VWA3B: variants seen among roughly 807,000 people sequenced by gnomAD.
VWA3B encodes von Willebrand factor A domain-containing protein 3B.
A neutral mutation model predicts 158.3 loss-of-function variants in VWA3B; 138 were observed. That is an observed-to-expected ratio of 0.87 (90% CI 0.76 to 1.00). The LOEUF (loss-of-function observed/expected upper bound fraction) is 1.00. VWA3B is among the 50% of genes least tolerant of loss of function. VWA3B has a pLI of 0.00. For missense variants in VWA3B, 1,555 were observed against 1,565.1 expected (o/e 0.99, Z 0.11); for synonymous variants, 596 against 587.3 (o/e 1.01, Z -0.21).
intron 12 of VWA3B, among the ~76,000 whole-genome samples, chr2:98,202,902 G>A (rs1488977895): frequency 2.6e-5 from 4 of 151,916 alleles, no homozygotes; most frequent in Middle Eastern, 3.2e-3. Flanking sequence ...GCATGATCTC[G>A]GCTCACTGCA....
chr2:98,311,925 A>C lies in VWA3B; in HGVS notation c.3628A>C (p.Arg1210=). 1 of 1,607,656 alleles carries C rather than the reference A, an allele frequency of 6.2e-7. No homozygotes were observed. Among genetic ancestry groups the C allele is most frequent in the Non-Finnish European group, 8.5e-7 (1 of 1,177,106 alleles). ...ACGAGAGAAGCCCAGGAGGAAAAAG[A>C]GGCCCGCCAAGCAGCCACTCCAGCA... is the stretch of plus-strand genomic sequence containing the variant. ...PRREKPRRKK[R]PAKQPLQQAA... Residue 1210 remains arginine, a synonymous_variant, in exon 27 of 28, where the codon AGG becomes CGG. Transcript: ENST00000477737.
intron 13 of VWA3B, chr2:98,216,965 T>C (rs984906365): frequency 2.0e-5 from 26 of 1,273,226 alleles, no homozygotes; most frequent in South Asian, 5.0e-5. Flanking sequence ...GAGACTGTCA[T>C]GTGTATCATT....
intron 7 of VWA3B, among the ~76,000 whole-genome samples, chr2:98,140,185 G>T (rs1297772920): frequency 6.6e-6 from 1 of 152,170 alleles, no homozygotes; most frequent in Admixed American, 6.5e-5. Flanking sequence ...AACACGCACC[G>T]CGAAGGTCCG....
At chr2:98,188,633 G>A (rs904998308) in intron 10 of VWA3B, among the ~76,000 whole-genome samples, 1 of 152,162 alleles carries the variant, frequency 6.6e-6, no homozygotes, top group African/African-American at 2.4e-5. Flanking sequence ...TTAACATAAT[G>A]TCCTGTAGGC....
At chr2:98,322,035 T>G in the VWA3B span, among the ~76,000 whole-genome samples, 1 of 152,234 alleles carries the variant, frequency 6.6e-6, no homozygotes, top group Non-Finnish European at 1.5e-5. Flanking sequence ...GCACATGCTC[T>G]CTTGCCTGCT....
rs1352783764 is a variant in VWA3B, at chr2:98,125,930, C to G, written c.703-2309C>G. ...CTGCTCGCCTCAGCCTCCCAAAGTG[C>G]TGGGATTACAGGTATGAGCCACCGC... On this transcript the variant is annotated intron_variant, in intron 5 of 27. Transcript: ENST00000477737. The surrounding 1 kb of genome is among the most constrained non-coding windows in gnomAD (Gnocchi z 4.1). 6.6e-6 allele frequency among the ~76,000 whole-genome samples: 1 copy of G among 152,156 alleles called. No individual in the cohort carries two copies. The highest frequency in any genetic ancestry group is 6.5e-5 in the Admixed American group (1 of 15,268).
At position 98,300,194 on chromosome 2, in the gene VWA3B, T is replaced by A; in HGVS notation, c.3398T>A (p.Val1133Asp). Reference sequence around the variant, plus strand: ...GTGGCCACAGAAAAATTCTACACAGTTTTGAAGTGTAACAACCGGAGAGTA... The same window carrying A: ...GTGGCCACAGAAAAATTCTACACAGATTTGAAGTGTAACAACCGGAGAGTA... ...KHVATEKFYTVLKCNNRREFC... is the reference protein window; with the variant it reads ...KHVATEKFYTDLKCNNRREFC... Residue 1133 changes from valine to aspartate, a missense_variant, in exon 25 of 28, where the codon GTT becomes GAT. By Grantham distance (152) the Val-to-Asp change is radical. Coordinates refer to ENST00000477737, the MANE Select transcript of VWA3B (RefSeq NM_144992.5). 1 of 1,614,186 alleles carries A rather than the reference T, an allele frequency of 6.2e-7. No homozygotes were observed. Among genetic ancestry groups the A allele is most frequent in the Non-Finnish European group, 8.5e-7 (1 of 1,180,048 alleles).
intron 8 of VWA3B, among the ~76,000 whole-genome samples, chr2:98,177,423 A>G (rs576190488): frequency 6.6e-6 from 1 of 152,304 alleles, no homozygotes; most frequent in East Asian, 1.9e-4. Flanking sequence ...ATTTTTAATT[A>G]AGATAACTGC....
At chr2:98,214,761 C>T (rs1683831822) in intron 13 of VWA3B, among the ~76,000 whole-genome samples, 3 of 152,238 alleles carry the variant, frequency 2.0e-5, no homozygotes, top group South Asian at 2.1e-4. Context: ...TTAGCTAGTC[C>T]CCTGCAGATA....
intron 9 of VWA3B, among the ~76,000 whole-genome samples, chr2:98,186,189 C>T (rs1681028408): frequency 7.2e-6 from 1 of 138,474 alleles, no homozygotes; most frequent in Non-Finnish European, 1.5e-5. Context: ...AGAATATACA[C>T]TGCTGGTTAT....
intron 9 of VWA3B, among the ~76,000 whole-genome samples, chr2:98,183,618 G>T (rs550079447): frequency 2.1e-4 from 32 of 152,186 alleles, no homozygotes; most frequent in African/African-American, 7.5e-4. Flanking sequence ...ACAAAACCAG[G>T]CCTGATGTTC....
chr2:98,323,207 A>G, the VWA3B span, among the ~76,000 whole-genome samples: 1 of 152,230 alleles, frequency 6.6e-6, no homozygotes, highest in African/African-American at 2.4e-5. Flanking sequence ...AAAGAGTATC[A>G]ATGAAGAAAT....
intron 21 of VWA3B, among the ~76,000 whole-genome samples, chr2:98,267,854 G>A (rs1346419683): frequency 6.6e-6 from 1 of 151,878 alleles, no homozygotes. Flanking sequence ...ATGGTAAGGG[G>A]GATATCACCA....
intron 19 of VWA3B, among the ~76,000 whole-genome samples, chr2:98,244,566 C>T (rs943065096): frequency 6.6e-6 from 1 of 151,954 alleles, no homozygotes; most frequent in Admixed American, 6.5e-5. Context: ...TTTTATAATA[C>T]GATAAACTTA....
intron 7 of VWA3B, among the ~76,000 whole-genome samples, chr2:98,146,670 A>G (rs1271423223): frequency 6.6e-6 from 1 of 152,124 alleles, no homozygotes; most frequent in Non-Finnish European, 1.5e-5. Context: ...TTTCTTCTGC[A>G]TTGCTTCTGT....
At chr2:98,121,034 T>G (rs1199479535) in intron 4 of VWA3B, among the ~76,000 whole-genome samples, 1 of 152,256 alleles carries the variant, frequency 6.6e-6, no homozygotes, top group African/African-American at 2.4e-5. Flanking sequence ...GGACTCATTA[T>G]TAGTGTTTAC....
At chr2:98,325,861 G>A in the VWA3B span, among the ~76,000 whole-genome samples, 1 of 152,138 alleles carries the variant, frequency 6.6e-6, no homozygotes, top group East Asian at 1.9e-4. Context: ...ATCTTGACCT[G>A]TATGCCAAAT....
At chr2:98,308,898 G>T (rs531434857) in intron 26 of VWA3B, among the ~76,000 whole-genome samples, 14 of 152,266 alleles carry the variant, frequency 9.2e-5, no homozygotes, top group Admixed American at 3.3e-4. Context: ...CTGTCCGGGG[G>T]CAGTGGCTCA....
At chr2:98,216,463 G>C (rs986504743) in intron 13 of VWA3B, among the ~76,000 whole-genome samples, 1 of 152,262 alleles carries the variant, frequency 6.6e-6, no homozygotes, top group Non-Finnish European at 1.5e-5. Context: ...TAGGGTATGT[G>C]AGGGCAGGAG....
Sources: allele counts gnomAD v4.1 joint callset (sites outside exome capture counted in the v4.1 genomes callset), GRCh38; gene constraint gnomAD v4.1.1; non-coding constraint Gnocchi (gnomAD v3.1); transcripts MANE v1.5; gene names NCBI Gene and HGNC (gene_info 2026-07-23, HGNC 2026-07-21).